The following CREB5 variants were observed in gnomAD, a reference collection of about 807,000 sequenced individuals.
The protein encoded by CREB5 is cyclic AMP-responsive element-binding protein 5.
CREB5 carries 19 observed loss-of-function variants against 57.1 expected under a neutral mutation model. The ratio of observed to expected loss-of-function variants is 0.33; its 90% CI spans 0.23 to 0.49. The LOEUF is 0.49. CREB5 is among the 20% of genes least tolerant of loss of function. The pLI is 0.99. For synonymous variants in CREB5, 238 were observed against 238.3 expected (o/e 1.00, Z 0.01); for missense variants, 579 against 671.6 (o/e 0.86, Z 1.52).
intron 5 of CREB5, among the ~76,000 whole-genome samples, chr7:28,696,501 G>T (rs1801569879): frequency 6.6e-6 from 1 of 152,158 alleles, no homozygotes; most frequent in South Asian, 2.1e-4. Context: ...ACTGAAGTGA[G>T]AAGGATCTTA....
intron 5 of CREB5, among the ~76,000 whole-genome samples, chr7:28,598,525 G>T (rs1234025955): frequency 6.6e-6 from 1 of 152,154 alleles, no homozygotes; most frequent in African/African-American, 2.4e-5. Flanking sequence ...CGTTAGACTT[G>T]CTTGAAGAAT....
rs1479084110 is a variant in CREB5 at position 28,570,384 on chromosome 7, C to T, written c.311C>T (p.Ala104Val). The T allele has an allele frequency of 2.5e-6, 4 of 1,613,784 alleles. No individual in the cohort carries two copies. The South Asian group carries it at 4.4e-5, about 18-fold the overall frequency. ...GGGCAGAATATCTCGATGCATAATG[C>T]AGTTGGTGGGGCCATGACGGGGCCC... ...SSKRNISMHN[A>V]VGGAMTGPGT... The change falls in exon 5 of 11, where the codon GCA becomes GTA. Residue 104 changes from alanine to valine, a missense_variant. Ala to Val is a moderately conservative substitution (Grantham distance 64). Coordinates refer to ENST00000357727, the MANE Select transcript of CREB5 (RefSeq NM_182898.4).
At chr7:28,455,066 GT>G (rs977614192) in intron 1 of CREB5, among the ~76,000 whole-genome samples, 1 of 152,206 alleles carries the variant, frequency 6.6e-6, no homozygotes. Context: ...AATGAACAGA[GT>G]TTTTTAAAAC....
At chr7:28,596,571 T>C (rs1796698461) in intron 5 of CREB5, among the ~76,000 whole-genome samples, 1 of 152,190 alleles carries the variant, frequency 6.6e-6, no homozygotes, top group Admixed American at 6.5e-5. Context: ...ATGAAACAAG[T>C]TCCTTTTGCT....
chr7:28,534,047 A>C (rs928776254), intron 4 of CREB5, among the ~76,000 whole-genome samples: 3 of 152,174 alleles, frequency 2.0e-5, no homozygotes, highest in Non-Finnish European at 4.4e-5. Flanking sequence ...TTTTGTGAAC[A>C]CTATGATCCT....
rs181314525 is a variant in CREB5, at chr7:28,668,866, G to A, written c.465-49887G>A. Reference sequence around the variant, plus strand: ...AAATTCATCACAATGCTCTGTCCACGGCCCGCTGCTACCCTCCTCTTTCAG... The same window carrying A: ...AAATTCATCACAATGCTCTGTCCACAGCCCGCTGCTACCCTCCTCTTTCAG... On this transcript the variant is annotated intron_variant, in intron 5 of 10. Coordinates refer to ENST00000357727, the MANE Select transcript of CREB5 (RefSeq NM_182898.4). Among the ~76,000 whole-genome samples, 38 of 152,186 alleles carry A rather than the reference G, an allele frequency of 2.5e-4. 1 individual carries two copies. The highest frequency in any genetic ancestry group is 2.2e-3 in the Admixed American group (33 of 15,280).
At chr7:28,547,111 GGTCCCACAA>G (rs2128631382) in intron 4 of CREB5, among the ~76,000 whole-genome samples, 1 of 152,290 alleles carries the variant, frequency 6.6e-6, no homozygotes, top group South Asian at 2.1e-4. Context: ...TCTTGCCCTG[GGTCCCACAA>G]ATGTTATAGG....
intron 3 of CREB5, among the ~76,000 whole-genome samples, chr7:28,503,170 T>C (rs1351668648): frequency 6.6e-6 from 1 of 152,240 alleles, no homozygotes. Context: ...GCCAAGTTTG[T>C]AGCAATCTGC....
intron 1 of CREB5, among the ~76,000 whole-genome samples, chr7:28,383,089 G>A (rs369223394): frequency 6.6e-5 from 10 of 152,266 alleles, no homozygotes; most frequent in African/African-American, 2.4e-4. Context: ...GCAGGAAGAG[G>A]CATAGATTCT....
chr7:28,647,588 C>A (rs1357165156), intron 5 of CREB5, among the ~76,000 whole-genome samples: 7 of 152,146 alleles, frequency 4.6e-5, no homozygotes, highest in African/African-American at 1.2e-4. Context: ...TTCCGGAAAT[C>A]TGCAACTTCT....
intron 1 of CREB5, among the ~76,000 whole-genome samples, chr7:28,429,809 A>G (rs903160066): frequency 1.3e-5 from 2 of 152,214 alleles, no homozygotes; most frequent in Admixed American, 1.3e-4. Context: ...GACAAGGCCT[A>G]TTACTTTCTA....
At chr7:28,350,393 G>A (rs938970536) in intron 1 of CREB5, among the ~76,000 whole-genome samples, 3 of 151,942 alleles carry the variant, frequency 2.0e-5, no homozygotes, top group African/African-American at 7.3e-5. Context: ...CTTTCCTTGT[G>A]GGAAAGCCCT....
intron 4 of CREB5, among the ~76,000 whole-genome samples, chr7:28,525,350 G>A (rs1793402476): frequency 6.6e-6 from 1 of 152,176 alleles, no homozygotes; most frequent in Non-Finnish European, 1.5e-5. Flanking sequence ...TCAGTAGTGA[G>A]ATTGCTGGAT....
At chr7:28,664,833 G>T (rs1799755634) in intron 5 of CREB5, among the ~76,000 whole-genome samples, 1 of 152,198 alleles carries the variant, frequency 6.6e-6, no homozygotes, top group Non-Finnish European at 1.5e-5. Context: ...AAAAAGGGAA[G>T]AAAAAGAGAG....
intron 5 of CREB5, among the ~76,000 whole-genome samples, chr7:28,671,777 T>C (rs557091395): frequency 3.4e-4 from 52 of 152,320 alleles, no homozygotes; most frequent in African/African-American, 1.3e-3. Flanking sequence ...CTTGGGCAAG[T>C]TACTTCACCT....
intron 5 of CREB5, among the ~76,000 whole-genome samples, chr7:28,704,584 AAGTAG>A (rs1802016695): frequency 6.6e-6 from 1 of 151,924 alleles, no homozygotes; most frequent in Admixed American, 6.6e-5. Flanking sequence ...TTAGCCTCCC[AAGTAG>A]CTAGTACTAC....
At chr7:28,461,231 G>GAAAA (rs34364190) in intron 1 of CREB5, among the ~76,000 whole-genome samples, 1 of 140,640 alleles carries the variant, frequency 7.1e-6, no homozygotes. Flanking sequence ...CTCTGCCTCT[G>GAAAA]AAAAAAAAAA....
chr7:28,669,261 T>C (rs760579728), intron 5 of CREB5, among the ~76,000 whole-genome samples: 2 of 152,198 alleles, frequency 1.3e-5, no homozygotes, highest in Non-Finnish European at 2.9e-5. Flanking sequence ...TGGTAAATAG[T>C]GGCAGATGAT....
chr7:28,454,319 C>T (rs547371726), intron 1 of CREB5, among the ~76,000 whole-genome samples: 5 of 152,260 alleles, frequency 3.3e-5, no homozygotes, highest in Admixed American at 3.3e-4. Flanking sequence ...CCAACATGCC[C>T]TCCTCTTCCA....
Sources: gnomAD v4.1 joint callset for allele counts (sites outside exome capture counted in the v4.1 genomes callset) on GRCh38, gnomAD v4.1.1 for gene constraint, MANE v1.5 for transcripts, NCBI Gene and HGNC (gene_info 2026-07-23, HGNC 2026-07-21) for gene names.